Variants in C19orf38 observed in about 807,000 individuals in gnomAD.
The protein encoded by C19orf38 is chromosome 19 open reading frame 38.
A neutral mutation model predicts 26.6 loss-of-function variants in C19orf38; 14 were observed. The ratio of observed to expected loss-of-function variants is 0.53; its 90% CI spans 0.35 to 0.82. The LOEUF is 0.82. Ranked by LOEUF, C19orf38 falls within the 40% of genes least tolerant of loss-of-function variation. The pLI is 0.01. For synonymous variants in C19orf38, 132 were observed against 128.5 expected, an observed-to-expected ratio of 1.03 and a Z score of -0.18; for missense variants, 261 against 299.5, an observed-to-expected ratio of 0.87 and a Z score of 0.95.
At chr19:10,844,594 TC>T (rs1314628227), upstream of C19orf38, among the ~76,000 whole-genome samples, 1 of 150,522 alleles carries the variant, frequency 6.6e-6, no homozygotes, top group Non-Finnish European at 1.5e-5. Flanking sequence ...ACGCCTGTAA[TC>T]CCAGCACTTT....
chr19:10,860,675 A>C (rs1348313373), intron 5 of C19orf38, among the ~76,000 whole-genome samples: 2 of 149,092 alleles, frequency 1.3e-5, no homozygotes, highest in Non-Finnish European at 3.0e-5. Context: ...CCCCATCTCT[A>C]CTAAAAATAC....
rs527924000 is a variant in C19orf38 at position 10,854,166 on chromosome 19, G to A, written c.341-2099G>A. Among the ~76,000 whole-genome samples, 332 of 151,468 alleles carry A rather than the reference G, an allele frequency of 2.2e-3. 1 individual carries two copies. Among genetic ancestry groups the A allele is most frequent in the Admixed American group, 3.4e-3 (52 of 15,180 alleles). ...CAACCTTTGCCTCCCAGGCTCAAGC[G>A]ATTCTCGTGCCTCAGCCTCCCGAGT... On this transcript the variant is annotated intron_variant, in intron 2 of 6. Coordinates refer to ENST00000397820, the MANE Select transcript of C19orf38 (RefSeq NM_001136482.3).
intron 4 of C19orf38, 73 bp downstream of exon 4, chr19:10,858,416 T>A: frequency 2.2e-6 from 3 of 1,371,206 alleles, no homozygotes; most frequent in Non-Finnish European, 3.0e-6. Context: ...GGGTGGGCAC[T>A]CCATGCCCCC....
chr19:10,868,739 G>A (rs2073775739), intron 6 of C19orf38, among the ~76,000 whole-genome samples: 1 of 152,024 alleles, frequency 6.6e-6, no homozygotes, highest in Non-Finnish European at 1.5e-5. Context: ...CTCCTGACCT[G>A]AGGTGATCCA....
chr19:10,841,908 A>C, intron 1 of C19orf38: 1 of 1,599,136 alleles, frequency 6.3e-7, no homozygotes, highest in Admixed American at 1.7e-5. Flanking sequence ...TTCAAATGGA[A>C]TGCCAGTGTG....
chr19:10,851,176 C>T (rs1452650482), intron 2 of C19orf38, among the ~76,000 whole-genome samples: 1 of 152,154 alleles, frequency 6.6e-6, no homozygotes, highest in Non-Finnish European at 1.5e-5. Flanking sequence ...GCCTCAGCCT[C>T]CTGAGTATCT....
chr19:10,850,707 A>C (rs551866768), intron 2 of C19orf38, 140 bp downstream of exon 2: 2 of 962,166 alleles, frequency 2.1e-6, no homozygotes, highest in Admixed American at 2.6e-5. Flanking sequence ...TTCCTTTTTC[A>C]ATCTTCTCAG....
chr19:10,856,728 T>C (rs2146261821), intron 3 of C19orf38, among the ~76,000 whole-genome samples: 2 of 152,114 alleles, frequency 1.3e-5, no homozygotes, highest in East Asian at 3.9e-4. Flanking sequence ...GGTCTGGAAC[T>C]CCTGACCTCA....
chr19:10,858,364 C>A (rs574794621), intron 4 of C19orf38, 21 bp downstream of exon 4: 2 of 1,543,592 alleles, frequency 1.3e-6, no homozygotes, highest in African/African-American at 2.7e-5. Flanking sequence ...CCCTGGAGAC[C>A]CACAGAGGGT....
At chr19:10,846,228 G>A (rs566580671), upstream of C19orf38, among the ~76,000 whole-genome samples, 18 of 151,052 alleles carry the variant, frequency 1.2e-4, no homozygotes, top group Admixed American at 1.1e-3. Flanking sequence ...ACAGAGTCTC[G>A]CTCTGTTGCC....
upstream of C19orf38, among the ~76,000 whole-genome samples, chr19:10,844,581 C>T (rs908694442): frequency 6.6e-6 from 1 of 151,774 alleles, no homozygotes; most frequent in Non-Finnish European, 1.5e-5. Flanking sequence ...GGTGCAGTGG[C>T]TCACGCCTGT....
intron 5 of C19orf38, among the ~76,000 whole-genome samples, chr19:10,862,349 C>T (rs2073707227): frequency 6.6e-6 from 1 of 151,988 alleles, no homozygotes. Context: ...GGACCACAGG[C>T]ATACACCACC....
chr19:10,861,603 A>G (rs1233386899), intron 5 of C19orf38, among the ~76,000 whole-genome samples: 1 of 151,028 alleles, frequency 6.6e-6, no homozygotes, highest in African/African-American at 2.4e-5. Flanking sequence ...TTTGAGATGG[A>G]GTCTCATTGT....
At chr19:10,860,900 T>A (rs1005039426) in intron 5 of C19orf38, among the ~76,000 whole-genome samples, 1 of 149,206 alleles carries the variant, frequency 6.7e-6, no homozygotes, top group Non-Finnish European at 1.5e-5. Flanking sequence ...ATCCCAGCAC[T>A]TTGGGAGGCC....
intron 1 of C19orf38, among the ~76,000 whole-genome samples, chr19:10,838,868 G>A (rs2073457748): frequency 6.6e-6 from 1 of 151,992 alleles, no homozygotes; most frequent in African/African-American, 2.4e-5. Flanking sequence ...TTATGCAGCC[G>A]GGGTCTCTAC....
chr19:10,839,833 A>T (rs1409124486), intron 1 of C19orf38, among the ~76,000 whole-genome samples: 1 of 149,892 alleles, frequency 6.7e-6, no homozygotes, highest in Non-Finnish European at 1.5e-5. Flanking sequence ...AACTCATGTG[A>T]TCCACCTCAG....
chr19:10,867,755 C>T (rs1185967864), intron 6 of C19orf38, among the ~76,000 whole-genome samples: 5 of 143,352 alleles, frequency 3.5e-5, no homozygotes, highest in East Asian at 4.3e-4. Context: ...CAGCCTCCAG[C>T]GATTCTCCTG....
chr19:10,860,071 G>C, intron 5 of C19orf38, 113 bp downstream of exon 5: 1 of 1,125,440 alleles, frequency 8.9e-7, no homozygotes, highest in South Asian at 1.4e-5. Context: ...TTCCCTTTAG[G>C]GTCAAAACAC....
upstream of C19orf38, among the ~76,000 whole-genome samples, chr19:10,845,965 G>T (rs2073512872): frequency 6.6e-6 from 1 of 151,108 alleles, no homozygotes; most frequent in South Asian, 2.1e-4. Flanking sequence ...GATTGCTTGA[G>T]CCCAGGAGTT....
Sources: allele counts gnomAD v4.1 joint callset (sites outside exome capture counted in the v4.1 genomes callset), GRCh38; gene constraint gnomAD v4.1.1; transcripts MANE v1.5; gene names NCBI Gene and HGNC (gene_info 2026-07-23, HGNC 2026-07-21).